The following LMO7 variants were observed in gnomAD, a reference collection of about 807,000 sequenced individuals.
The protein encoded by LMO7 is LIM domain 7.
LMO7 carries 120 observed loss-of-function variants against 206.5 expected under a neutral mutation model. The ratio of observed to expected loss-of-function variants is 0.58; its 90% CI spans 0.50 to 0.68. LMO7 has a LOEUF of 0.68. LMO7 is among the 30% of genes least tolerant of loss of function. LMO7 has a pLI of 0.00. For missense variants in LMO7, 1,959 were observed against 1,957.9 expected (o/e 1.00, Z -0.01); for synonymous variants, 706 against 681.5 (o/e 1.04, Z -0.56).
intron 20 of LMO7, chr13:75,838,474 A>AT: frequency 2.0e-6 from 1 of 491,928 alleles, no homozygotes; most frequent in Middle Eastern, 6.0e-4. Context: ...AAAAAAAAAA[A>AT]GGGAGATGCT....
At chr13:75,851,520 T>A (rs2060503577) in intron 27 of LMO7, among the ~76,000 whole-genome samples, 1 of 152,232 alleles carries the variant, frequency 6.6e-6, no homozygotes, top group African/African-American at 2.4e-5. Flanking sequence ...TCTCTGCAGC[T>A]TCAGTCTTTC....
At chr13:75,783,943 C>T (rs947087190) in intron 4 of LMO7, among the ~76,000 whole-genome samples, 2 of 152,150 alleles carry the variant, frequency 1.3e-5, no homozygotes, top group African/African-American at 4.8e-5. Flanking sequence ...CCCTGGGAAC[C>T]TCAAGTCTGC....
At chr13:75,670,502 C>T (rs1480506682) in intron 1 of LMO7, among the ~76,000 whole-genome samples, 1 of 152,142 alleles carries the variant, frequency 6.6e-6, no homozygotes, top group African/African-American at 2.4e-5. Context: ...GGCTACAAAC[C>T]TGTGCTGCAT....
chr13:75,728,125 T>C (rs188375870), intron 3 of LMO7, among the ~76,000 whole-genome samples: 31,404 of 151,986 alleles, frequency 0.21, 4,219 homozygotes, highest in East Asian at 0.53. Context: ...TTATAATCCT[T>C]TGGGTATATA....
Position 75,796,653 on chromosome 13 carries a change from C to T in LMO7, c.366C>T (p.Tyr122=), listed in dbSNP as rs764319030. Residue 122 remains tyrosine (Y), a synonymous_variant, in exon 6 of 31, where the codon TAC becomes TAT. Transcript: ENST00000377534. The part of the protein sequence containing the change: ...RRVKNVLITL[Y]WLGRKAQSNP... ...TTTTTAAGGTTTTGATAACATTGTACTGGCTGGGAAGAAAAGCACAAAGCA... is the reference window on the plus strand; with the variant it reads ...TTTTTAAGGTTTTGATAACATTGTATTGGCTGGGAAGAAAAGCACAAAGCA... The T allele has an allele frequency of 5.6e-6, 9 of 1,606,586 alleles. No homozygotes were observed. The highest frequency in any genetic ancestry group is 7.7e-6 in the Non-Finnish European group (9 of 1,174,350).
intron 1 of LMO7, among the ~76,000 whole-genome samples, chr13:75,639,852 C>T (rs977508786): frequency 1.3e-5 from 2 of 152,164 alleles, no homozygotes; most frequent in Admixed American, 1.3e-4. Context: ...CCTTTCTGCT[C>T]ACCTGCCCTT....
intron 1 of LMO7, among the ~76,000 whole-genome samples, chr13:75,655,028 G>C (rs543153452): frequency 1.6e-4 from 24 of 151,926 alleles, no homozygotes; most frequent in South Asian, 1.5e-3. Flanking sequence ...CTGTCACCAC[G>C]CCCGGCTAAT....
chr13:75,796,695 TC>T lies in LMO7; in HGVS notation c.412del (p.His138IlefsTer4). On this transcript the variant is annotated frameshift_variant, in exon 6 of 31. Coordinates refer to ENST00000377534, the MANE Select transcript of LMO7 (RefSeq NM_001306080.2). LOFTEE classifies it high-confidence loss of function. ...KAQSNPYYNG[P>X]HLNLKAFENL... is the part of the protein sequence containing the mutation. ...CACAAAGCAACCCGTACTATAATGG[TC>T]CCCATCTTAATTTGAAAGCGTTTGA... 1 of 1,613,808 alleles carries T rather than the reference TC, an allele frequency of 6.2e-7. No homozygotes were observed. Among genetic ancestry groups the T allele is most frequent in the Non-Finnish European group, 8.5e-7 (1 of 1,179,816 alleles).
chr13:75,845,653 A>G (rs1348066851), intron 26 of LMO7, among the ~76,000 whole-genome samples: 1 of 152,228 alleles, frequency 6.6e-6, no homozygotes, highest in African/African-American at 2.4e-5. Context: ...TGATGCAGCT[A>G]TGTATAGTAG....
chr13:75,692,076 C>A (rs2041527868), intron 1 of LMO7, among the ~76,000 whole-genome samples: 1 of 152,278 alleles, frequency 6.6e-6, no homozygotes, highest in Middle Eastern at 3.4e-3. Context: ...TTATCAAAAC[C>A]TCTTGACTTT....
At chr13:75,794,326 G>T (rs985127098) in intron 4 of LMO7, among the ~76,000 whole-genome samples, 2 of 152,134 alleles carry the variant, frequency 1.3e-5, no homozygotes, top group Admixed American at 6.6e-5. Context: ...TTTTTGGGAG[G>T]TGGGTAAGAG....
chr13:75,669,164 T>A (rs183165358), intron 1 of LMO7, among the ~76,000 whole-genome samples: 4 of 152,218 alleles, frequency 2.6e-5, no homozygotes, highest in Non-Finnish European at 5.9e-5. Context: ...AAGTAAGTGG[T>A]CAGTGGTTCT....
intron 26 of LMO7, among the ~76,000 whole-genome samples, chr13:75,846,985 C>T (rs184992275): frequency 5.4e-5 from 8 of 148,434 alleles, no homozygotes; most frequent in African/African-American, 1.2e-4. Flanking sequence ...GAGCCGAGAT[C>T]GCTCCACTGC....
chr13:75,796,834 TCTC>T (rs2054081568), intron 6 of LMO7, 85 bp downstream of exon 6: 5 of 850,126 alleles, frequency 5.9e-6, no homozygotes, highest in East Asian at 2.6e-5. Flanking sequence ...TTCTTCTCCT[TCTC>T]CTCTATAACA....
At chr13:75,787,362 C>G (rs1210262711) in intron 4 of LMO7, among the ~76,000 whole-genome samples, 1 of 152,222 alleles carries the variant, frequency 6.6e-6, no homozygotes, top group East Asian at 1.9e-4. Flanking sequence ...TGCAGCAGCA[C>G]TCCTCTGCTG....
rs191468871 is a variant in LMO7 at position 75,829,928 on chromosome 13, C to T, written c.2950-3123C>T. 2.8e-3 allele frequency among the ~76,000 whole-genome samples: 432 copies of T among 152,156 alleles called. 4 individuals carry two copies. Among genetic ancestry groups the T allele is most frequent in the African/African-American group, 9.2e-3 (382 of 41,512 alleles). On this transcript the variant is annotated intron_variant, in intron 15 of 30. Coordinates refer to ENST00000377534, the MANE Select transcript of LMO7 (RefSeq NM_001306080.2). Reference sequence around the variant, plus strand: ...TTTGAGGGAAATTTTTTATCTTATACGCTGAGATGATGATAGACAACTGCC... The same window carrying T: ...TTTGAGGGAAATTTTTTATCTTATATGCTGAGATGATGATAGACAACTGCC...
At chr13:75,696,139 G>A (rs1431092458) in intron 1 of LMO7, among the ~76,000 whole-genome samples, 1 of 152,184 alleles carries the variant, frequency 6.6e-6, no homozygotes, top group African/African-American at 2.4e-5. Flanking sequence ...GGTGGATCAC[G>A]AGGTCAGGAG....
intron 11 of LMO7, among the ~76,000 whole-genome samples, chr13:75,812,014 A>G (rs1291042660): frequency 1.3e-5 from 2 of 152,214 alleles, no homozygotes; most frequent in Non-Finnish European, 2.9e-5. Flanking sequence ...AGGGAAAAAA[A>G]GCCAATTTCG....
At chr13:75,852,512 T>TA (rs899190243) in intron 27 of LMO7, among the ~76,000 whole-genome samples, 2 of 152,006 alleles carry the variant, frequency 1.3e-5, no homozygotes, top group African/African-American at 4.8e-5. Flanking sequence ...GAAAACAGAT[T>TA]AAAAAAAAGA....
Sources: gnomAD v4.1 joint callset for allele counts (sites outside exome capture counted in the v4.1 genomes callset) on GRCh38, gnomAD v4.1.1 for gene constraint, MANE v1.5 for transcripts, NCBI Gene and HGNC (gene_info 2026-07-23, HGNC 2026-07-21) for gene names.